Variants in PRPF38A observed in about 807,000 individuals in gnomAD.
PRPF38A encodes pre-mRNA-splicing factor 38A.
Under a neutral mutation model 46.8 loss-of-function variants are expected in PRPF38A, and 11 were observed. The observed-to-expected ratio is 0.24, with a 90% CI of 0.15 to 0.39. PRPF38A has a LOEUF of 0.39. Ranked by LOEUF, PRPF38A falls within the 10% of genes least tolerant of loss-of-function variation. The pLI, the probability that PRPF38A is intolerant of heterozygous loss-of-function variation, is 1.00. For missense variants in PRPF38A, 261 were observed against 407.5 expected (o/e 0.64, Z 3.10); for synonymous variants, 124 against 136.2 (o/e 0.91, Z 0.62).
At position 52,404,836 on chromosome 1, in the gene PRPF38A, C is replaced by G; in HGVS notation, c.87C>G (p.Ile29Met). 1 of 1,614,232 alleles carries G rather than the reference C, an allele frequency of 6.2e-7. No individual in the cohort carries two copies. Among genetic ancestry groups the G allele is most frequent in the Non-Finnish European group, 8.5e-7 (1 of 1,180,024 alleles). Residue 29 changes from isoleucine (I) to methionine (M), a missense_variant, in exon 1 of 10, where the codon ATC becomes ATG. Physicochemically the swap from Ile to Met is conservative, Grantham distance 10. Coordinates refer to ENST00000257181, the MANE Select transcript of PRPF38A (RefSeq NM_032864.4). ...YLVEKIIRTR[I>M]YESKYWKEEC... The stretch of plus-strand genomic sequence containing the variant: ...TGGAGAAGATCATTCGAACGCGAAT[C>G]TATGAGTCCAAGTACTGGAAAGAGG...
At chr1:52,406,057 C>T (rs774471134) in intron 2 of PRPF38A, among the ~76,000 whole-genome samples, 16 of 152,084 alleles carry the variant, frequency 1.1e-4, no homozygotes, top group African/African-American at 2.2e-4. Context: ...GGTGCGATCT[C>T]GGCCCACTGC....
Position 52,404,697 on chromosome 1 carries a change from T to C in PRPF38A, c.-53T>C, listed in dbSNP as rs886211523. 79 of 1,586,178 alleles carry C rather than the reference T, an allele frequency of 5.0e-5. No individual in the cohort carries two copies. Among genetic ancestry groups the C allele is most frequent in the Non-Finnish European group, 6.5e-5 (76 of 1,166,516 alleles). Reference sequence around the variant, plus strand: ...TTCCTCTAGGTGCTTTTTCTGAACCTGGATGTGAGGCATTAAAGGATCCGA... The same window carrying C: ...TTCCTCTAGGTGCTTTTTCTGAACCCGGATGTGAGGCATTAAAGGATCCGA... On this transcript the variant is annotated 5_prime_UTR_variant, in exon 1 of 10. Coordinates refer to ENST00000257181, the MANE Select transcript of PRPF38A (RefSeq NM_032864.4).
chr1:52,412,910 C>T (rs1018572399), intron 5 of PRPF38A, among the ~76,000 whole-genome samples: 3 of 152,018 alleles, frequency 2.0e-5, no homozygotes, highest in African/African-American at 7.3e-5. Flanking sequence ...GCTGAGGCAG[C>T]AGAATTGCTT....
intron 9 of PRPF38A, among the ~76,000 whole-genome samples, chr1:52,416,134 G>A (rs1046336407): frequency 4.0e-5 from 6 of 148,556 alleles, no homozygotes; most frequent in East Asian, 2.0e-4. Flanking sequence ...CCACCGCGCC[G>A]GGCCTGTTTG....
chr1:52,415,382 G>A lies in PRPF38A; in HGVS notation c.892G>A (p.Glu298Lys), dbSNP rs767551194. 9 of 1,613,080 alleles carry A rather than the reference G, an allele frequency of 5.6e-6. No individual in the cohort carries two copies. The highest frequency in any genetic ancestry group is 5.0e-5 in the Admixed American group (3 of 59,990). Reference sequence around the variant, plus strand: ...ACACAGGAGCCACTCAAAGTCTCCCGAAAGGTAATGAATTGACCTCTATTT... The same window carrying A: ...ACACAGGAGCCACTCAAAGTCTCCCAAAAGGTAATGAATTGACCTCTATTT... Reference protein sequence around the residue: ...HRHRSHSKSPERSKKSHKKSR... With the variant: ...HRHRSHSKSPKRSKKSHKKSR... Residue 298 changes from glutamate to lysine, a missense_variant, in exon 9 of 10, where the codon GAA becomes AAA. Glu to Lys is a moderately conservative substitution (Grantham distance 56, BLOSUM62 1). Around this residue, in one of 2 missense-constraint regions of PRPF38A, gnomAD observed 180 missense variants for 221.0 expected, o/e 0.81. Transcript: ENST00000257181.
Position 52,405,786 on chromosome 1 carries a change from A to G in PRPF38A, c.237A>G (p.Gln79=), listed in dbSNP as rs573490973. 5.0e-6 allele frequency: 8 copies of G among 1,614,208 alleles called. No homozygotes were observed. The highest frequency in any genetic ancestry group is 1.7e-4 in the Middle Eastern group (1 of 6,060). Residue 79 remains glutamine (Q), a synonymous_variant, in exon 2 of 10, where the codon CAA becomes CAG. Coordinates refer to ENST00000257181, the MANE Select transcript of PRPF38A (RefSeq NM_032864.4). ...PFLCLTLKML[Q]IQPEKDIIVE... Reference sequence around the variant, plus strand: ...TGTGTTTAACCTTGAAGATGCTTCAAATTCAACCCGAGAAGGATATCATTG... The same window carrying G: ...TGTGTTTAACCTTGAAGATGCTTCAGATTCAACCCGAGAAGGATATCATTG...
chr1:52,408,836 C>G (rs1217062897), intron 3 of PRPF38A, 146 bp downstream of exon 3: 15 of 997,314 alleles, frequency 1.5e-5, no homozygotes, highest in Non-Finnish European at 1.6e-5. Flanking sequence ...TCCCTTGTCC[C>G]TCATGGGAGT....
At chr1:52,415,258 C>A in intron 8 of PRPF38A, 80 bp from the exon 9 acceptor site, 1 of 1,389,402 alleles carries the variant, frequency 7.2e-7, no homozygotes, top group Non-Finnish European at 1.0e-6. Context: ...AAGCCAATGG[C>A]AGGTATTAGG....
chr1:52,408,717 T>A, intron 3 of PRPF38A, 27 bp downstream of exon 3: 1 of 1,609,946 alleles, frequency 6.2e-7, no homozygotes, highest in Non-Finnish European at 8.5e-7. Context: ...GTCTCCTGAT[T>A]GTCATTTTTA....
chr1:52,416,845 A>AG lies in PRPF38A; in HGVS notation c.*156dup, dbSNP rs1425965771. 1.5e-6 allele frequency: 1 copy of AG among 652,246 alleles called. No homozygotes were observed. Among genetic ancestry groups the AG allele is most frequent in the Non-Finnish European group, 2.8e-6 (1 of 360,976 alleles). 40.4% of individuals were successfully genotyped at this position (652,246 alleles called of 1,614,324 possible). A position where few individuals can be genotyped will look rare whatever the true frequency, so the allele number is the denominator to read the frequency against. ...TTTATTTTTAATGAAGGAGGTGCTGAGTTTTGTATCTTTTTAATCATAATC... is the reference window on the plus strand; with the variant it reads ...TTTATTTTTAATGAAGGAGGTGCTGAGGTTTTGTATCTTTTTAATCATAATC... On this transcript the variant is annotated 3_prime_UTR_variant, in exon 10 of 10. Transcript: ENST00000257181.
Position 52,408,682 on chromosome 1 carries a change from G to T in PRPF38A, c.404G>T (p.Arg135Leu), listed in dbSNP as rs749486229. ...NDYRKIKSQN[R>L]NGEFELMHVD... ...TATCGAAAAATCAAGAGCCAGAACC[G>T]AAATGGGGGTAAGTATGGTGCTAAG... Residue 135 changes from arginine to leucine, a missense_variant, in exon 3 of 10, where the codon CGA becomes CTA. This residue lies in a region of PRPF38A where 81 missense variants were observed against 186.5 expected (regional missense o/e 0.43). Transcript: ENST00000257181. The T allele has an allele frequency of 1.2e-6, 2 of 1,614,074 alleles. No individual in the cohort carries two copies. Among genetic ancestry groups the T allele is most frequent in the Non-Finnish European group, 1.7e-6 (2 of 1,179,968 alleles).
At position 52,405,691 on chromosome 1, in the gene PRPF38A, G is replaced by A. The variant is rs1647965863; in HGVS notation, c.142G>A (p.Val48Ile). 6.2e-7 allele frequency: 1 copy of A among 1,612,986 alleles called. No individual in the cohort carries two copies. The highest frequency in any genetic ancestry group is 8.5e-7 in the Non-Finnish European group (1 of 1,179,948). ...TTTTTGTTTTTTAGCTGAACTTGTA[G>A]TCGATAAAGCCATGGAGTTAAGGTT... ...ECFGLTAELV[V>I]DKAMELRFVG... The change falls in exon 2 of 10, where the codon GTC becomes ATC. Residue 48 changes from valine to isoleucine, a missense_variant. By Grantham distance (29) the Val-to-Ile change is conservative. Around this residue, in one of 2 missense-constraint regions of PRPF38A, gnomAD observed 81 missense variants for 186.5 expected, o/e 0.43. Coordinates refer to ENST00000257181, the MANE Select transcript of PRPF38A (RefSeq NM_032864.4).
chr1:52,411,299 C>G, intron 4 of PRPF38A, 99 bp downstream of exon 4: 1 of 771,994 alleles, frequency 1.3e-6, no homozygotes, highest in Non-Finnish European at 2.2e-6. Flanking sequence ...GCCTGTGGAT[C>G]TTATGGGTCC....
At chr1:52,413,836 T>C in intron 5 of PRPF38A, 43 bp from the exon 6 acceptor site, 3 of 1,322,562 alleles carry the variant, frequency 2.3e-6, no homozygotes, top group African/African-American at 1.4e-5. Flanking sequence ...GATGGCTCTT[T>C]ATAAGCCTGT....
intron 4 of PRPF38A, among the ~76,000 whole-genome samples, chr1:52,412,183 CTTA>C (rs1336481997): frequency 2.0e-5 from 3 of 152,180 alleles, no homozygotes; most frequent in African/African-American, 7.2e-5. Context: ...CAGCCATGAA[CTTA>C]TTAGCCCTTG....
intron 2 of PRPF38A, 142 bp downstream of exon 2, chr1:52,405,981 G>C: frequency 1.5e-6 from 1 of 687,596 alleles, no homozygotes; most frequent in Non-Finnish European, 2.5e-6. Flanking sequence ...CCTTGAGTTT[G>C]TATTTTTTGT....
At chr1:52,408,374 G>A in intron 2 of PRPF38A, 195 bp from the exon 3 acceptor site, 1 of 711,108 alleles carries the variant, frequency 1.4e-6, no homozygotes, top group Non-Finnish European at 2.5e-6. Flanking sequence ...AGCCATAAAT[G>A]GTAGCATGGG....
At chr1:52,406,436 GAC>G (rs1647999786) in intron 2 of PRPF38A, among the ~76,000 whole-genome samples, 1 of 152,190 alleles carries the variant, frequency 6.6e-6, no homozygotes, top group Non-Finnish European at 1.5e-5. Flanking sequence ...GTAGGCACTG[GAC>G]GCTCAGGGGT....
rs780589057 is a variant in PRPF38A, at chr1:52,417,122, A to G, written c.*432A>G. On this transcript the variant is annotated 3_prime_UTR_variant, in exon 10 of 10. Transcript: ENST00000257181. ...TATTCAAAGATCAAAGGAGTAAAAC[A>G]TAGTTGCTCCTAACTTTTTTCCAGC... 6.3e-6 allele frequency: 1 copy of G among 157,900 alleles called. No individual in the cohort carries two copies. The highest frequency in any genetic ancestry group is 1.4e-5 in the Non-Finnish European group (1 of 71,134). The allele number at this position is 157,900 out of a possible 1,614,324, so 9.8% of individuals were successfully genotyped here.
Sources: gnomAD v4.1 joint callset for allele counts (sites outside exome capture counted in the v4.1 genomes callset) on GRCh38, gnomAD v4.1.1 for gene constraint, gnomAD v4.1.1 regional missense constraint, MANE v1.5 for transcripts, NCBI Gene and HGNC (gene_info 2026-07-23, HGNC 2026-07-21) for gene names.